The following GABRB1 variants were observed in gnomAD, a reference collection of about 807,000 sequenced individuals.
GABRB1 encodes gamma-aminobutyric acid receptor subunit beta-1.
GABRB1 carries 17 observed loss-of-function variants against 51.6 expected under a neutral mutation model. The ratio of observed to expected loss-of-function variants is 0.33; its 90% CI spans 0.23 to 0.49. The LOEUF is 0.49. Among genes scored for constraint, GABRB1 ranks in the 20% least tolerant of loss-of-function variants. The pLI is 0.99. For missense variants in GABRB1, 410 were observed against 600.6 expected (o/e 0.68, Z 3.32); for synonymous variants, 247 against 218.9 (o/e 1.13, Z -1.14).
intron 1 of GABRB1, among the ~76,000 whole-genome samples, chr4:47,002,226 G>A (rs1424498967): frequency 6.6e-6 from 1 of 152,082 alleles, no homozygotes; most frequent in African/African-American, 2.4e-5. Context: ...TAAAAACATA[G>A]GCCTAAGCCT....
intron 5 of GABRB1, among the ~76,000 whole-genome samples, chr4:47,388,235 A>G (rs73136050): frequency 0.022 from 3,326 of 152,328 alleles, 130 homozygotes; most frequent in African/African-American, 0.075. Flanking sequence ...ATACATTTTA[A>G]TGTATTTGAT....
intron 3 of GABRB1, among the ~76,000 whole-genome samples, chr4:47,099,787 C>T (rs551799295): frequency 4.0e-5 from 6 of 151,652 alleles, no homozygotes; most frequent in Non-Finnish European, 8.8e-5. Flanking sequence ...AAAACTGAGA[C>T]GTACAATGTT....
chr4:47,262,126 G>C (rs542195148), intron 4 of GABRB1, among the ~76,000 whole-genome samples: 131 of 151,478 alleles, frequency 8.6e-4, no homozygotes, highest in African/African-American at 3.1e-3. Flanking sequence ...TCAGGACATA[G>C]GCATGGGCAA....
intron 4 of GABRB1, among the ~76,000 whole-genome samples, chr4:47,172,358 A>G (rs1021086768): frequency 6.6e-6 from 1 of 152,194 alleles, no homozygotes; most frequent in Non-Finnish European, 1.5e-5. Flanking sequence ...GTTACACCTA[A>G]AAAAGTAATC....
intron 3 of GABRB1, among the ~76,000 whole-genome samples, chr4:47,147,110 A>C (rs1353159432): frequency 6.6e-6 from 1 of 152,024 alleles, no homozygotes; most frequent in Non-Finnish European, 1.5e-5. Context: ...ATATAGTCTA[A>C]AAGTAAGTCT....
rs542932234 is a variant in GABRB1, at chr4:47,356,420, C to T, written c.544+36211C>T. 8.5e-5 allele frequency among the ~76,000 whole-genome samples: 13 copies of T among 152,260 alleles called. No individual in the cohort carries two copies. The East Asian group carries it at 2.5e-3, about 29-fold the overall frequency. On this transcript the variant is annotated intron_variant, in intron 5 of 8. Transcript: ENST00000295454. ...TCTCTGTTCCTCAAAATTTGATTTC[C>T]AAACACTTCCAGAGAGCAAATTTTA...
In GABRB1 at chr4:47,285,174, C is replaced by T. The variant is rs115538797; in HGVS notation, c.462-34953C>T. Reference sequence around the variant, plus strand: ...GCACAAATTGAAAATGTGTACAGCACAAGAGTTGTAGCTGACTGGTGTGTT... The same window carrying T: ...GCACAAATTGAAAATGTGTACAGCATAAGAGTTGTAGCTGACTGGTGTGTT... On this transcript the variant is annotated intron_variant, in intron 4 of 8. Transcript: ENST00000295454. 4.3e-3 allele frequency among the ~76,000 whole-genome samples: 653 copies of T among 152,280 alleles called. 8 individuals carry two copies. The highest frequency in any genetic ancestry group is 0.015 in the African/African-American group (630 of 41,554).
chr4:47,105,661 T>C (rs1577912760), intron 3 of GABRB1, among the ~76,000 whole-genome samples: 1 of 152,272 alleles, frequency 6.6e-6, no homozygotes, highest in South Asian at 2.1e-4. Flanking sequence ...TCTAGAATTT[T>C]ATGGCTTTTG....
intron 4 of GABRB1, among the ~76,000 whole-genome samples, chr4:47,203,915 G>A (rs373455652): frequency 1.6e-4 from 24 of 152,230 alleles, no homozygotes; most frequent in African/African-American, 5.3e-4. Context: ...GAAAATGAAA[G>A]CAAAATCCTC....
intron 4 of GABRB1, among the ~76,000 whole-genome samples, chr4:47,298,765 G>C (rs565538619): frequency 2.0e-5 from 3 of 152,238 alleles, no homozygotes; most frequent in Non-Finnish European, 2.9e-5. Flanking sequence ...AAACAAAAAA[G>C]AACCTGCATT....
At chr4:47,135,483 C>T (rs1031308098) in intron 3 of GABRB1, among the ~76,000 whole-genome samples, 21 of 152,200 alleles carry the variant, frequency 1.4e-4, no homozygotes, top group African/African-American at 2.6e-4. Flanking sequence ...AAAGAAGAGA[C>T]GCCACTGAGA....
At chr4:47,376,642 G>A (rs1005755081) in intron 5 of GABRB1, among the ~76,000 whole-genome samples, 2 of 152,204 alleles carry the variant, frequency 1.3e-5, no homozygotes, top group Middle Eastern at 3.4e-3. Context: ...GCGAGACTCC[G>A]TCTTAAAAAC....
intron 1 of GABRB1, among the ~76,000 whole-genome samples, chr4:47,016,280 C>T (rs1159671713): frequency 6.6e-6 from 1 of 152,110 alleles, no homozygotes; most frequent in Admixed American, 6.5e-5. Flanking sequence ...TTAGAAAATG[C>T]TGCTTTCAGG....
At chr4:47,259,355 T>C (rs147064766) in intron 4 of GABRB1, among the ~76,000 whole-genome samples, 146 of 152,222 alleles carry the variant, frequency 9.6e-4, no homozygotes, top group African/African-American at 3.5e-3. Context: ...ATAATAAAAA[T>C]ACTGAGCAAA....
intron 4 of GABRB1, among the ~76,000 whole-genome samples, chr4:47,257,333 C>G (rs1300946424): frequency 1.3e-5 from 2 of 152,130 alleles, no homozygotes; most frequent in Non-Finnish European, 2.9e-5. Context: ...CCCTCATAGG[C>G]TCCTTACAAA....
chr4:47,267,244 G>A (rs1030825344), intron 4 of GABRB1, among the ~76,000 whole-genome samples: 1 of 152,016 alleles, frequency 6.6e-6, no homozygotes, highest in Admixed American at 6.6e-5. Context: ...CATAGAAAGA[G>A]AGATGAGACT....
chr4:47,046,469 G>A (rs1469168485), intron 3 of GABRB1, among the ~76,000 whole-genome samples: 1 of 151,920 alleles, frequency 6.6e-6, no homozygotes. Flanking sequence ...TATTTTTTAA[G>A]AAACATCCAA....
intron 4 of GABRB1, among the ~76,000 whole-genome samples, chr4:47,208,731 C>T (rs528125174): frequency 1.1e-4 from 16 of 152,064 alleles, no homozygotes; most frequent in Admixed American, 3.3e-4. Flanking sequence ...TATCGTAGTC[C>T]TAGGATTACT....
At chr4:47,376,490 C>CAA (rs549588774) in intron 5 of GABRB1, among the ~76,000 whole-genome samples, 10 of 151,958 alleles carry the variant, frequency 6.6e-5, no homozygotes, top group Non-Finnish European at 5.9e-5. Context: ...ACTAAAAATA[C>CAA]AAAAAAATTA....
Sources: gnomAD v4.1 joint callset for allele counts (sites outside exome capture counted in the v4.1 genomes callset) on GRCh38, gnomAD v4.1.1 for gene constraint, MANE v1.5 for transcripts, NCBI Gene and HGNC (gene_info 2026-07-23, HGNC 2026-07-21) for gene names.